The following CNTN6 variants were observed in gnomAD, a reference collection of about 807,000 sequenced individuals.
CNTN6 encodes the protein contactin 6.
In CNTN6, 137 loss-of-function variants were observed where a neutral mutation model predicts 122.8. That is an observed-to-expected ratio of 1.12 (90% CI 0.97 to 1.29). The LOEUF is 1.29. Among genes scored for constraint, CNTN6 ranks in the 50% most tolerant of loss-of-function variants. The probability of loss-of-function intolerance (pLI) is 0.00; values close to 1 mark genes in which losing one functional copy is unlikely to be tolerated. For synonymous variants in CNTN6, 570 were observed against 426.0 expected (o/e 1.34, Z -4.16); for missense variants, 1,634 against 1,223.4 (o/e 1.34, Z -5.01).
chr3:1,180,138 C>G (rs536386538), intron 2 of CNTN6, among the ~76,000 whole-genome samples: 15 of 151,950 alleles, frequency 9.9e-5, no homozygotes, highest in South Asian at 4.2e-4. Flanking sequence ...AGTTGGAGGT[C>G]TCTGAAACTT....
At chr3:1,202,011 G>A (rs532144276) in intron 2 of CNTN6, among the ~76,000 whole-genome samples, 3 of 152,160 alleles carry the variant, frequency 2.0e-5, no homozygotes, top group East Asian at 1.9e-4. Context: ...TCCATAATAA[G>A]CATCCATTAC....
chr3:1,118,694 T>A (rs1302709765), intron 1 of CNTN6, among the ~76,000 whole-genome samples: 1 of 152,148 alleles, frequency 6.6e-6, no homozygotes, highest in Admixed American at 6.6e-5. Flanking sequence ...ACTGGTCACT[T>A]GGTCTTTCAT....
chr3:1,384,812 C>CACACAT (rs1338541100), intron 19 of CNTN6, among the ~76,000 whole-genome samples: 47 of 118,448 alleles, frequency 4.0e-4, no homozygotes, highest in African/African-American at 1.4e-3. Flanking sequence ...CACACACACA[C>CACACAT]ATATATATAT....
chr3:1,171,501 G>A (rs905624583), intron 2 of CNTN6, among the ~76,000 whole-genome samples: 13 of 152,168 alleles, frequency 8.5e-5, no homozygotes, highest in African/African-American at 2.9e-4. Flanking sequence ...ATTCCTGCCT[G>A]TACTTATAAA....
At chr3:1,382,822 A>G (rs1692113713) in intron 17 of CNTN6, 120 bp from the exon 18 acceptor site, 1 of 701,894 alleles carries the variant, frequency 1.4e-6, no homozygotes, top group Admixed American at 3.0e-5. Context: ...ATACATCATT[A>G]AACAGAATAA....
intron 5 of CNTN6, among the ~76,000 whole-genome samples, chr3:1,279,428 C>A (rs1281070297): frequency 6.6e-6 from 1 of 152,102 alleles, no homozygotes; most frequent in Admixed American, 6.5e-5. Context: ...ACAGCACAGA[C>A]CCAAGGACTT....
chr3:1,379,195 T>G (rs1011535632), intron 17 of CNTN6, among the ~76,000 whole-genome samples: 6 of 152,130 alleles, frequency 3.9e-5, no homozygotes, highest in African/African-American at 9.7e-5. Context: ...CAAAGAATAC[T>G]GTCTTTCCAC....
intron 2 of CNTN6, among the ~76,000 whole-genome samples, chr3:1,199,813 C>T (rs2093834731): frequency 6.6e-6 from 1 of 152,150 alleles, no homozygotes; most frequent in South Asian, 2.1e-4. Context: ...GTACTTGCCA[C>T]TTGTGAATCA....
intron 12 of CNTN6, among the ~76,000 whole-genome samples, chr3:1,368,994 C>A (rs1168092467): frequency 6.6e-6 from 1 of 152,168 alleles, no homozygotes; most frequent in Non-Finnish European, 1.5e-5. Flanking sequence ...CCAGCTTCAT[C>A]TTCTTCGCTT....
chr3:1,402,497 T>G lies in CNTN6; in HGVS notation c.2986+11T>G. ...TTCCAAAAATGTCAAGTAAGTTGAGTCACCATTGCTGTAGTAGATTCTGAA... is the reference window on the plus strand; with the variant it reads ...TTCCAAAAATGTCAAGTAAGTTGAGGCACCATTGCTGTAGTAGATTCTGAA... On this transcript the variant is annotated intron_variant, in intron 22 of 22. Coordinates refer to ENST00000446702, the MANE Select transcript of CNTN6 (RefSeq NM_001289080.2). The G allele has an allele frequency of 1.2e-6, 2 of 1,601,362 alleles. No homozygotes were observed. The highest frequency in any genetic ancestry group is 1.7e-6 in the Non-Finnish European group (2 of 1,171,026).
intron 10 of CNTN6, among the ~76,000 whole-genome samples, chr3:1,328,797 T>TA: frequency 1.3e-5 from 2 of 151,640 alleles, no homozygotes; most frequent in Non-Finnish European, 2.9e-5. Context: ...GAGCTTTAGA[T>TA]TAGAAATGGA....
intron 8 of CNTN6, among the ~76,000 whole-genome samples, chr3:1,322,278 C>T (rs574312697): frequency 6.6e-6 from 1 of 151,538 alleles, no homozygotes; most frequent in Non-Finnish European, 1.5e-5. Flanking sequence ...TTTGTCTACT[C>T]ATAAGTAGGT....
intron 21 of CNTN6, among the ~76,000 whole-genome samples, chr3:1,401,929 C>A (rs1198685179): frequency 6.6e-6 from 1 of 151,986 alleles, no homozygotes; most frequent in East Asian, 1.9e-4. Flanking sequence ...TAAAAGGCAT[C>A]TAACAAGAGT....
chr3:1,365,584 A>T (rs934208632), intron 12 of CNTN6, among the ~76,000 whole-genome samples: 9 of 152,084 alleles, frequency 5.9e-5, no homozygotes, highest in Non-Finnish European at 1.2e-4. Flanking sequence ...CGAACACTGT[A>T]TGTATCAAGA....
At chr3:1,338,507 A>C (rs939144788) in intron 11 of CNTN6, among the ~76,000 whole-genome samples, 2 of 152,094 alleles carry the variant, frequency 1.3e-5, no homozygotes, top group African/African-American at 4.8e-5. Context: ...AATGTGCTTC[A>C]TTTTATCTCT....
At chr3:1,309,504 C>A (rs1698903861) in intron 7 of CNTN6, among the ~76,000 whole-genome samples, 2 of 152,078 alleles carry the variant, frequency 1.3e-5, no homozygotes, top group Non-Finnish European at 2.9e-5. Flanking sequence ...TTGCCATTAC[C>A]ACATTGCCTC....
intron 5 of CNTN6, among the ~76,000 whole-genome samples, chr3:1,284,404 A>C (rs892918308): frequency 2.6e-5 from 4 of 152,164 alleles, no homozygotes; most frequent in African/African-American, 9.7e-5. Context: ...GGGTAGGTCA[A>C]ATTGGCAGTG....
intron 1 of CNTN6, among the ~76,000 whole-genome samples, chr3:1,121,670 A>G (rs186544593): frequency 8.8e-4 from 134 of 152,014 alleles, no homozygotes; most frequent in African/African-American, 3.0e-3. Flanking sequence ...TGAAACATAT[A>G]AGATTACAAA....
chr3:1,178,980 A>C (rs1008148902), intron 2 of CNTN6, among the ~76,000 whole-genome samples: 11 of 152,148 alleles, frequency 7.2e-5, no homozygotes, highest in African/African-American at 2.7e-4. Flanking sequence ...TAAAGAAAAG[A>C]AGCCTATTTT....
Sources: gnomAD v4.1 joint callset for allele counts (sites outside exome capture counted in the v4.1 genomes callset) on GRCh38, gnomAD v4.1.1 for gene constraint, MANE v1.5 for transcripts, NCBI Gene and HGNC (gene_info 2026-07-23, HGNC 2026-07-21) for gene names.